Variants in TSPAN17 observed in about 807,000 individuals in gnomAD.
TSPAN17 encodes the protein tetraspanin 17.
A neutral mutation model predicts 40.5 loss-of-function variants in TSPAN17; 33 were observed. The observed-to-expected ratio is 0.81, with a 90% CI of 0.62 to 1.09. TSPAN17 has a LOEUF of 1.09. Among genes scored for constraint, TSPAN17 ranks in the 50% least tolerant of loss-of-function variants. The probability of loss-of-function intolerance (pLI) is 0.00; values close to 1 mark genes in which losing one functional copy is unlikely to be tolerated. For synonymous variants in TSPAN17, 166 were observed against 169.4 expected (o/e 0.98, Z 0.15); for missense variants, 365 against 416.8 (o/e 0.88, Z 1.08).
chr5:176,657,397 A>G, intron 8 of TSPAN17, 121 bp from the exon 9 acceptor site: 3 of 1,492,114 alleles, frequency 2.0e-6, no homozygotes, highest in Non-Finnish European at 2.7e-6. Flanking sequence ...TGCCTCACAC[A>G]GCTTCAGAGC....
At chr5:176,656,020 C>T in intron 5 of TSPAN17, 58 bp from the exon 6 acceptor site, 1 of 1,545,524 alleles carries the variant, frequency 6.5e-7, no homozygotes. Flanking sequence ...TGCCCAGGTA[C>T]CATGGACCCC....
At position 176,656,824 on chromosome 5, in the gene TSPAN17, T is replaced by G. The variant is rs1368266046; in HGVS notation, c.747+8T>G. The G allele has an allele frequency of 6.2e-7, 1 of 1,614,182 alleles. No individual in the cohort carries two copies. The highest frequency in any genetic ancestry group is 8.5e-7 in the Non-Finnish European group (1 of 1,180,000). ...GGCATCGCCCTCCTCCAGGTACCCT[T>G]GTGGCCCCACGTGCCCCTCCCCTTG... On this transcript the variant is annotated splice_region_variant and intron_variant, in intron 7 of 8. Coordinates refer to ENST00000508164, the MANE Select transcript of TSPAN17 (RefSeq NM_130465.5).
chr5:176,647,699 C>T lies in TSPAN17; in HGVS notation c.84C>T (p.Phe28=). 1 of 1,591,086 alleles carries T rather than the reference C, an allele frequency of 6.3e-7. No homozygotes were observed. The highest frequency in any genetic ancestry group is 8.5e-7 in the Non-Finnish European group (1 of 1,169,836). ...TCCTGTTTGGCTTCAACATTGTCTT[C>T]TGGGTGAGCGCGGGGTCTGCGCCTT... ...KYFLFGFNIV[F]WVLGALFLAI... is the part of the protein sequence containing the mutation. Residue 28 remains phenylalanine, a synonymous_variant, in exon 1 of 9, where the codon TTC becomes TTT. Coordinates refer to ENST00000508164, the MANE Select transcript of TSPAN17 (RefSeq NM_130465.5).
chr5:176,655,124 G>A, intron 5 of TSPAN17, 104 bp downstream of exon 5: 1 of 1,371,866 alleles, frequency 7.3e-7, no homozygotes, highest in South Asian at 1.5e-5. Flanking sequence ...CTGGGGGCGT[G>A]GATGCTGGGG....
In TSPAN17 at chr5:176,657,905, A is replaced by G; in HGVS notation, c.*207A>G. The G allele has an allele frequency of 1.1e-6, 1 of 882,314 alleles. No individual in the cohort carries two copies. Among genetic ancestry groups the G allele is most frequent in the Non-Finnish European group, 1.6e-6 (1 of 629,954 alleles). 54.7% of individuals were successfully genotyped at this position (882,314 alleles called of 1,614,324 possible). The stretch of plus-strand genomic sequence containing the variant: ...CTGCAGGGTTATTCCCTGCACCTCG[A>G]GGCCGCTGCGGGCCAATCTGGAGTG... On this transcript the variant is annotated 3_prime_UTR_variant, in exon 9 of 9. Coordinates refer to ENST00000508164, the MANE Select transcript of TSPAN17 (RefSeq NM_130465.5).
In TSPAN17 at chr5:176,657,924, T is replaced by C; in HGVS notation, c.*226T>C. The C allele has an allele frequency of 1.4e-6, 1 of 690,322 alleles. No homozygotes were observed. 42.8% of individuals were successfully genotyped at this position (690,322 alleles called of 1,614,324 possible). A position where few individuals can be genotyped will look rare whatever the true frequency, so the allele number is the denominator to read the frequency against. On this transcript the variant is annotated 3_prime_UTR_variant, in exon 9 of 9. Coordinates refer to ENST00000508164, the MANE Select transcript of TSPAN17 (RefSeq NM_130465.5). ...ACCTCGAGGCCGCTGCGGGCCAATC[T>C]GGAGTGAAACACGGGGACCTGAAGG...
intron 6 of TSPAN17, among the ~76,000 whole-genome samples, chr5:176,656,421 C>T (rs1055187730): frequency 2.0e-5 from 3 of 152,076 alleles, no homozygotes; most frequent in Admixed American, 6.5e-5. Flanking sequence ...GGGAGAAAGA[C>T]GGTAAGCCCT....
In TSPAN17 at chr5:176,647,526, GGCCCCGGGCGGCTCTA is replaced by G. The variant is rs933323021; in HGVS notation, c.-85_-70del. 11 of 1,021,266 alleles carry G rather than the reference GGCCCCGGGCGGCTCTA, an allele frequency of 1.1e-5. No homozygotes were observed. Among genetic ancestry groups the G allele is most frequent in the South Asian group, 4.4e-5 (2 of 45,218 alleles). The allele number at this position is 1,021,266 out of a possible 1,614,324, so 63.3% of individuals were successfully genotyped here. A position where few individuals can be genotyped will look rare whatever the true frequency, so the allele number is the denominator to read the frequency against. On this transcript the variant is annotated 5_prime_UTR_variant, in exon 1 of 9. Coordinates refer to ENST00000508164, the MANE Select transcript of TSPAN17 (RefSeq NM_130465.5). ...CCATGAAGCCGCAGCCGCCCGGCTAGGCCCCGGGCGGCTCTAGCCCAGGGCGGCCCGCGGGGCGCTG... is the reference window on the plus strand; with the variant it reads ...CCATGAAGCCGCAGCCGCCCGGCTAGGCCCAGGGCGGCCCGCGGGGCGCTG...
At chr5:176,657,480 T>C (rs1210003458) in intron 8 of TSPAN17, 38 bp from the exon 9 acceptor site, 3 of 1,552,634 alleles carry the variant, frequency 1.9e-6, no homozygotes, top group Admixed American at 3.9e-5. Flanking sequence ...GACTCTGAAA[T>C]GGGTCCAAGA....
At position 176,651,965 on chromosome 5, in the gene TSPAN17, G is replaced by A. The variant is rs144175766; in HGVS notation, c.285+65G>A. The A allele has an allele frequency of 2.9e-5, 46 of 1,591,736 alleles. No homozygotes were observed. The East Asian group carries it at 9.2e-4, about 32-fold the overall frequency. On this transcript the variant is annotated intron_variant, in intron 3 of 8. Coordinates refer to ENST00000508164, the MANE Select transcript of TSPAN17 (RefSeq NM_130465.5). The surrounding 1 kb of genome is among the most constrained non-coding windows in gnomAD (Gnocchi z 4.5). ...CCTCCCATCCAGTTCTTGCAATACA[G>A]TTGGAGCTTAATGATGGGTAGCTTT...
At chr5:176,649,718 C>T (rs899665857) in intron 1 of TSPAN17, among the ~76,000 whole-genome samples, 2 of 152,212 alleles carry the variant, frequency 1.3e-5, no homozygotes, top group African/African-American at 2.4e-5. Context: ...TGAGCCACCA[C>T]GCCCGGCCAT....
chr5:176,656,603 G>T (rs1263084996), intron 6 of TSPAN17, 97 bp from the exon 7 acceptor site: 4 of 1,223,006 alleles, frequency 3.3e-6, no homozygotes, highest in East Asian at 4.7e-5. Flanking sequence ...GGTACTGCAG[G>T]TTTAGACCCT....
Position 176,657,877 on chromosome 5 carries a change from C to T in TSPAN17, c.*179C>T. ...TTGTACACTAGGAGCTGGCCTCCCACCTCTGCAGGGTTATTCCCTGCACCT... is the reference window on the plus strand; with the variant it reads ...TTGTACACTAGGAGCTGGCCTCCCATCTCTGCAGGGTTATTCCCTGCACCT... On this transcript the variant is annotated 3_prime_UTR_variant, in exon 9 of 9. Transcript: ENST00000508164. 2.5e-6 allele frequency: 3 copies of T among 1,185,358 alleles called. No individual in the cohort carries two copies. Among genetic ancestry groups the T allele is most frequent in the Non-Finnish European group, 3.4e-6 (3 of 881,794 alleles). The allele number at this position is 1,185,358 out of a possible 1,614,324, so 73.4% of individuals were successfully genotyped here.
At chr5:176,652,342 TC>T (rs1761000903) in intron 3 of TSPAN17, among the ~76,000 whole-genome samples, 1 of 152,306 alleles carries the variant, frequency 6.6e-6, no homozygotes, top group South Asian at 2.1e-4. Context: ...TAATTGCGTT[TC>T]CTTGGCTCTG....
intron 5 of TSPAN17, among the ~76,000 whole-genome samples, chr5:176,655,808 G>A (rs1342132547): frequency 5.3e-5 from 8 of 151,874 alleles, no homozygotes; most frequent in Admixed American, 3.9e-4. Context: ...GGCTGAGGTG[G>A]GAGGATCACT....
rs1274145461 is a variant in TSPAN17 at position 176,651,215 on chromosome 5, C to T, written c.88-401C>T. On this transcript the variant is annotated intron_variant, in intron 1 of 8. Transcript: ENST00000508164. This position sits in a 1 kb window ranked among gnomAD's most constrained non-coding sequence, Gnocchi z 4.5. ...AGGGTAGCAGGAGAGCTGGACTTGG[C>T]AGGGTGCAGAAAGGAGGCTAGGAGC... 6.6e-6 allele frequency among the ~76,000 whole-genome samples: 1 copy of T among 152,136 alleles called. No homozygotes were observed. Among genetic ancestry groups the T allele is most frequent in the East Asian group, 1.9e-4 (1 of 5,180 alleles).
At position 176,647,510 on chromosome 5, in the gene TSPAN17, C is replaced by T. The variant is rs1267201666; in HGVS notation, c.-106C>T. The T allele has an allele frequency of 1.1e-5, 9 of 819,570 alleles. No homozygotes were observed. Among genetic ancestry groups the T allele is most frequent in the African/African-American group, 1.8e-5 (1 of 54,130 alleles). 50.8% of individuals were successfully genotyped at this position (819,570 alleles called of 1,614,324 possible). A position where few individuals can be genotyped will look rare whatever the true frequency, so the allele number is the denominator to read the frequency against. On this transcript the variant is annotated 5_prime_UTR_variant, in exon 1 of 9. Coordinates refer to ENST00000508164, the MANE Select transcript of TSPAN17 (RefSeq NM_130465.5). Reference sequence around the variant, plus strand: ...CTCTGTGTGGCCGAGGCCATGAAGCCGCAGCCGCCCGGCTAGGCCCCGGGC... The same window carrying T: ...CTCTGTGTGGCCGAGGCCATGAAGCTGCAGCCGCCCGGCTAGGCCCCGGGC...
At chr5:176,657,345 C>T in intron 8 of TSPAN17, 173 bp from the exon 9 acceptor site, 3 of 1,206,600 alleles carry the variant, frequency 2.5e-6, no homozygotes, top group Admixed American at 2.7e-5. Flanking sequence ...CTGGGACGCA[C>T]CTTTCTGTGC....
At position 176,651,578 on chromosome 5, in the gene TSPAN17, T is replaced by C; in HGVS notation, c.88-38T>C. 1 of 1,593,032 alleles carries C rather than the reference T, an allele frequency of 6.3e-7. No individual in the cohort carries two copies. ...GGATGAGGGGGGAGGGTCCTGGGGC[T>C]GCTCCCAGCCCTGAGCTCTTTGTTG... On this transcript the variant is annotated intron_variant, in intron 1 of 8. Coordinates refer to ENST00000508164, the MANE Select transcript of TSPAN17 (RefSeq NM_130465.5). This position sits in a 1 kb window ranked among gnomAD's most constrained non-coding sequence, Gnocchi z 4.5.
Sources: allele counts gnomAD v4.1 joint callset (sites outside exome capture counted in the v4.1 genomes callset), GRCh38; gene constraint gnomAD v4.1.1; non-coding constraint Gnocchi (gnomAD v3.1); transcripts MANE v1.5; gene names NCBI Gene and HGNC (gene_info 2026-07-23, HGNC 2026-07-21).